The following TAFA1 variants were observed in gnomAD, a reference collection of about 807,000 sequenced individuals.
TAFA1 encodes the protein chemokine-like protein TAFA-1.
A neutral mutation model predicts 18.5 loss-of-function variants in TAFA1; 4 were observed. That is an observed-to-expected ratio of 0.22 (90% CI 0.11 to 0.49). The LOEUF (loss-of-function observed/expected upper bound fraction) is 0.49. TAFA1 is among the 20% of genes least tolerant of loss of function. The pLI is 0.98. For missense variants in TAFA1, 147 were observed against 169.0 expected, an observed-to-expected ratio of 0.87 and a Z score of 0.72; for synonymous variants, 56 against 55.2, an observed-to-expected ratio of 1.01 and a Z score of -0.06.
chr3:68,274,364 C>A (rs1459065864), intron 2 of TAFA1, among the ~76,000 whole-genome samples: 1 of 152,138 alleles, frequency 6.6e-6, no homozygotes, highest in African/African-American at 2.4e-5. Context: ...ATTTTTCTGT[C>A]TAGTGTTCAG....
intron 2 of TAFA1, among the ~76,000 whole-genome samples, chr3:68,376,018 A>G (rs1267974885): frequency 1.3e-5 from 2 of 151,922 alleles, no homozygotes; most frequent in African/African-American, 4.8e-5. Context: ...TTGACCATCT[A>G]CTCTGTTTTA....
At chr3:68,019,856 A>C (rs187528911) in intron 2 of TAFA1, among the ~76,000 whole-genome samples, 2 of 152,328 alleles carry the variant, frequency 1.3e-5, no homozygotes, top group Admixed American at 1.3e-4. Context: ...CACACAGCCC[A>C]TTCTTCCTAT....
At chr3:68,108,364 T>A (rs1004090577) in intron 2 of TAFA1, among the ~76,000 whole-genome samples, 2 of 152,112 alleles carry the variant, frequency 1.3e-5, no homozygotes, top group Non-Finnish European at 2.9e-5. Flanking sequence ...TTTGTTTACA[T>A]GAAGTAACTT....
chr3:68,070,346 C>A (rs1007744283), intron 2 of TAFA1, among the ~76,000 whole-genome samples: 4 of 152,196 alleles, frequency 2.6e-5, no homozygotes, highest in Non-Finnish European at 2.9e-5. Context: ...TACCTTGGCC[C>A]ATTTTAGCTG....
chr3:68,457,042 T>C (rs2071679645), intron 3 of TAFA1, among the ~76,000 whole-genome samples: 1 of 152,238 alleles, frequency 6.6e-6, no homozygotes, highest in African/African-American at 2.4e-5. Context: ...TACTGCAGTA[T>C]GCAATTTACT....
At chr3:68,396,063 G>A (rs2070378342) in intron 2 of TAFA1, among the ~76,000 whole-genome samples, 1 of 151,852 alleles carries the variant, frequency 6.6e-6, no homozygotes, top group Non-Finnish European at 1.5e-5. Context: ...GCCAAACTGG[G>A]GGAAAATGTT....
At chr3:68,476,504 T>A (rs910163999) in intron 3 of TAFA1, among the ~76,000 whole-genome samples, 5 of 152,222 alleles carry the variant, frequency 3.3e-5, no homozygotes, top group African/African-American at 1.2e-4. Context: ...AAATTTTACA[T>A]CTATTTTTAC....
Position 68,544,603 on chromosome 3 carries a change from C to T in TAFA1, c.*100C>T, listed in dbSNP as rs555001771. The stretch of plus-strand genomic sequence containing the variant: ...ATATACAAGCCAAATGGATTTCTTA[C>T]TTGCACTTTGACTGGCTACCAGATA... On this transcript the variant is annotated 3_prime_UTR_variant, in exon 5 of 5. Coordinates refer to ENST00000478136, the MANE Select transcript of TAFA1 (RefSeq NM_213609.4). The T allele has an allele frequency of 7.1e-5, 87 of 1,233,050 alleles. No homozygotes were observed. The highest frequency in any genetic ancestry group is 9.3e-5 in the Non-Finnish European group (79 of 849,766). The allele number at this position is 1,233,050 out of a possible 1,614,324, so 76.4% of individuals were successfully genotyped here.
chr3:68,201,378 G>C (rs1296698478), intron 2 of TAFA1, among the ~76,000 whole-genome samples: 1 of 151,686 alleles, frequency 6.6e-6, no homozygotes, highest in Non-Finnish European at 1.5e-5. Flanking sequence ...GAAATCTATA[G>C]ATGTGAATTT....
chr3:68,103,726 T>C (rs1424254581), intron 2 of TAFA1, among the ~76,000 whole-genome samples: 1 of 152,106 alleles, frequency 6.6e-6, no homozygotes, highest in Non-Finnish European at 1.5e-5. Flanking sequence ...AATAATTAAA[T>C]ACCAGTAGCT....
intron 2 of TAFA1, among the ~76,000 whole-genome samples, chr3:68,035,376 A>G (rs1705024442): frequency 6.6e-6 from 1 of 152,164 alleles, no homozygotes; most frequent in African/African-American, 2.4e-5. Flanking sequence ...GGTTGATTAA[A>G]TATTTAATAT....
intron 2 of TAFA1, among the ~76,000 whole-genome samples, chr3:68,391,360 T>C (rs1373349782): frequency 6.6e-6 from 1 of 152,116 alleles, no homozygotes; most frequent in Non-Finnish European, 1.5e-5. Flanking sequence ...AACATGGGAC[T>C]ATGTGAAAAG....
intron 2 of TAFA1, among the ~76,000 whole-genome samples, chr3:68,358,900 G>A (rs1045479950): frequency 2.6e-4 from 33 of 127,290 alleles, no homozygotes; most frequent in Non-Finnish European, 1.2e-4. Flanking sequence ...GCCTACCTAA[G>A]AAGTTTAATC....
chr3:68,133,580 C>T (rs139479451), intron 2 of TAFA1, among the ~76,000 whole-genome samples: 1,916 of 152,204 alleles, frequency 0.013, 17 homozygotes, highest in Non-Finnish European at 0.021. Flanking sequence ...AGAGGTCCTT[C>T]ACATCCCTTG....
At chr3:68,371,993 A>C (rs2069715356) in intron 2 of TAFA1, among the ~76,000 whole-genome samples, 1 of 152,182 alleles carries the variant, frequency 6.6e-6, no homozygotes, top group African/African-American at 2.4e-5. Context: ...CTAATTTAAC[A>C]CTTCTGAACA....
At chr3:68,428,589 C>G (rs772328742) in intron 3 of TAFA1, among the ~76,000 whole-genome samples, 1 of 151,818 alleles carries the variant, frequency 6.6e-6, no homozygotes, top group African/African-American at 2.4e-5. Context: ...CACCAACTGA[C>G]CTAAGACATT....
chr3:68,363,853 C>A (rs569386882), intron 2 of TAFA1, among the ~76,000 whole-genome samples: 1 of 152,062 alleles, frequency 6.6e-6, no homozygotes, highest in Non-Finnish European at 1.5e-5. Flanking sequence ...GGCAGCCTTG[C>A]GGGATTTCTC....
intron 2 of TAFA1, among the ~76,000 whole-genome samples, chr3:68,346,543 C>T (rs541513328): frequency 6.6e-6 from 1 of 152,278 alleles, no homozygotes; most frequent in East Asian, 1.9e-4. Context: ...CCAGCTCAAA[C>T]ATTTTAAAGC....
intron 2 of TAFA1, among the ~76,000 whole-genome samples, chr3:68,081,747 A>T (rs1033238822): frequency 1.3e-5 from 2 of 152,152 alleles, no homozygotes; most frequent in Non-Finnish European, 2.9e-5. Context: ...AAGTCTGCAG[A>T]GGTTACTGCT....
Sources: gnomAD v4.1 joint callset for allele counts (sites outside exome capture counted in the v4.1 genomes callset) on GRCh38, gnomAD v4.1.1 for gene constraint, MANE v1.5 for transcripts, NCBI Gene and HGNC (gene_info 2026-07-23, HGNC 2026-07-21) for gene names.